ZNF682: variants seen among roughly 807,000 people sequenced by gnomAD.
ZNF682 encodes the protein zinc finger protein 682.
ZNF682 carries 29 observed loss-of-function variants against 36.5 expected under a neutral mutation model. The observed-to-expected ratio is 0.80, with a 90% CI of 0.59 to 1.08. ZNF682 has a LOEUF of 1.08. ZNF682 is among the 50% of genes least tolerant of loss of function. The probability of loss-of-function intolerance (pLI) is 0.00; values close to 1 mark genes in which losing one functional copy is unlikely to be tolerated. For synonymous variants in ZNF682, 180 were observed against 197.0 expected, an observed-to-expected ratio of 0.91 and a Z score of 0.72; for missense variants, 561 against 579.7, an observed-to-expected ratio of 0.97 and a Z score of 0.33.
At chr19:20,003,005 A>G (rs574916114), downstream of ZNF682, among the ~76,000 whole-genome samples, 19 of 151,886 alleles carry the variant, frequency 1.3e-4, no homozygotes, top group East Asian at 3.7e-3. Context: ...CCTGGCTAAC[A>G]CGGTGAAACC....
chr19:20,014,989 T>C (rs1175426947), intron 3 of ZNF682, among the ~76,000 whole-genome samples: 2 of 152,152 alleles, frequency 1.3e-5, no homozygotes, highest in East Asian at 3.8e-4. Context: ...TTCGTGTATG[T>C]TGAGTTTGAG....
chr19:20,003,752 G>C (rs2088186826), downstream of ZNF682, among the ~76,000 whole-genome samples: 1 of 151,400 alleles, frequency 6.6e-6, no homozygotes, highest in South Asian at 2.1e-4. Flanking sequence ...ATCAATACCA[G>C]GCAAGTAAAA....
At chr19:20,003,190 C>CAAAAAAAAAAAAA, downstream of ZNF682, among the ~76,000 whole-genome samples, 1 of 33,074 alleles carries the variant, frequency 3.0e-5, no homozygotes, top group Non-Finnish European at 4.6e-5. Context: ...GACTCCGTCT[C>CAAAAAAAAAAAAA]AAAAAAAAAA....
intron 3 of ZNF682, among the ~76,000 whole-genome samples, chr19:20,017,340 C>G (rs1282661299): frequency 6.6e-6 from 1 of 151,976 alleles, no homozygotes; most frequent in Non-Finnish European, 1.5e-5. Flanking sequence ...TTTAAGGAGA[C>G]AAACAGGCTG....
chr19:20,030,135 GATTTTAATCT>G (rs749266983), intron 1 of ZNF682, among the ~76,000 whole-genome samples: 1 of 152,134 alleles, frequency 6.6e-6, no homozygotes, highest in Non-Finnish European at 1.5e-5. Context: ...AGGTTTGTGT[GATTTTAATCT>G]ATTTCACCCA....
At chr19:20,028,565 T>A (rs965804149) in intron 1 of ZNF682, among the ~76,000 whole-genome samples, 4 of 152,188 alleles carry the variant, frequency 2.6e-5, no homozygotes, top group Non-Finnish European at 5.9e-5. Flanking sequence ...CAGCTAATGC[T>A]GACCCTGCTT....
At position 20,006,443 on chromosome 19, in the gene ZNF682, T is replaced by C. The variant is rs1461410699; in HGVS notation, c.1059A>G (p.Ser353=). The C allele has an allele frequency of 3.1e-6, 5 of 1,613,202 alleles. No individual in the cohort carries two copies. The highest frequency in any genetic ancestry group is 1.7e-4 in the Middle Eastern group (1 of 6,052). Residue 353 remains serine, a synonymous_variant, in exon 4 of 4, where the codon TCA becomes TCG. Coordinates refer to ENST00000397165, the MANE Select transcript of ZNF682 (RefSeq NM_033196.3). ...CEECGKAFNS[S]SILTEHKVIH... is the part of the protein sequence containing the mutation. ...TTACCTTATGTTCAGTAAGAATTGATGATGAGTTAAAAGCTTTGCCACATT... is the reference window on the plus strand; with the variant it reads ...TTACCTTATGTTCAGTAAGAATTGACGATGAGTTAAAAGCTTTGCCACATT...
Position 20,009,746 on chromosome 19 carries a change from T to C in ZNF682, c.227-2471A>G, listed in dbSNP as rs912588384. Among the ~76,000 whole-genome samples, 4 of 152,296 alleles carry C rather than the reference T, an allele frequency of 2.6e-5. No individual in the cohort carries two copies. In the South Asian group the frequency reaches 6.2e-4, roughly 24 times the overall value. ...AACATTTTTAAAGAAAGAGGCCAGG[T>C]GCAGTGGCTCACGTCTGTAATCCGA... On this transcript the variant is annotated intron_variant, in intron 3 of 3. Transcript: ENST00000397165.
chr19:20,001,057 T>C (rs1253491209), downstream of ZNF682, among the ~76,000 whole-genome samples: 1 of 152,196 alleles, frequency 6.6e-6, no homozygotes, highest in Non-Finnish European at 1.5e-5. Context: ...GAGTGACTCA[T>C]AGTCCTGTTT....
chr19:20,001,090 G>A (rs931044372), downstream of ZNF682, among the ~76,000 whole-genome samples: 5 of 152,148 alleles, frequency 3.3e-5, no homozygotes, highest in African/African-American at 4.8e-5. Flanking sequence ...GCCTTCATTC[G>A]TCCCAGTGGC....
chr19:20,023,108 T>C lies in ZNF682; in HGVS notation c.131-9A>G, dbSNP rs2088401606. On this transcript the variant is annotated splice_polypyrimidine_tract_variant and intron_variant, in intron 2 of 3. Transcript: ENST00000397165. ...CTTAGAAACAGTAAGACCTGTTTTATTAGAAAAAAGTAATGTGATTCTTGC... is the reference window on the plus strand; with the variant it reads ...CTTAGAAACAGTAAGACCTGTTTTACTAGAAAAAAGTAATGTGATTCTTGC... 4.3e-6 allele frequency: 7 copies of C among 1,612,216 alleles called. No homozygotes were observed. The highest frequency in any genetic ancestry group is 5.9e-6 in the Non-Finnish European group (7 of 1,178,632).
In ZNF682 at chr19:20,039,441, A is replaced by T; in HGVS notation, c.-96T>A. On this transcript the variant is annotated 5_prime_UTR_variant, in exon 1 of 4. Coordinates refer to ENST00000397165, the MANE Select transcript of ZNF682 (RefSeq NM_033196.3). ...GAGGCTGCGACAGTCACCGGGAACT[A>T]CTAGAGCAGAGGATACTAAGCAATG... 1 of 1,524,868 alleles carries T rather than the reference A, an allele frequency of 6.6e-7. No homozygotes were observed. The highest frequency in any genetic ancestry group is 9.0e-7 in the Non-Finnish European group (1 of 1,114,598). 94.5% of individuals were successfully genotyped at this position (1,524,868 alleles called of 1,614,324 possible). A position where few individuals can be genotyped will look rare whatever the true frequency, so the allele number is the denominator to read the frequency against.
At chr19:20,013,673 T>C (rs1473906473) in intron 3 of ZNF682, among the ~76,000 whole-genome samples, 1 of 152,188 alleles carries the variant, frequency 6.6e-6, no homozygotes, top group Non-Finnish European at 1.5e-5. Context: ...CTCCATCTCT[T>C]GGGTTCAAGC....
intron 1 of ZNF682, among the ~76,000 whole-genome samples, chr19:20,028,373 G>A (rs1271580480): frequency 6.6e-6 from 1 of 151,992 alleles, no homozygotes; most frequent in Non-Finnish European, 1.5e-5. Flanking sequence ...ATGCCCGGGT[G>A]GCTAATTTTT....
chr19:20,037,772 T>G (rs1420437186), intron 1 of ZNF682, among the ~76,000 whole-genome samples: 1 of 152,146 alleles, frequency 6.6e-6, no homozygotes, highest in African/African-American at 2.4e-5. Flanking sequence ...CTGAGAAAAT[T>G]TTCTCCTCAA....
chr19:20,032,775 A>G lies in ZNF682; in HGVS notation c.3+6568T>C, dbSNP rs535204304. Among the ~76,000 whole-genome samples, 12 of 152,354 alleles carry G rather than the reference A, an allele frequency of 7.9e-5. No homozygotes were observed. In the East Asian group the frequency reaches 2.3e-3, roughly 29 times the overall value. On this transcript the variant is annotated intron_variant, in intron 1 of 3. Transcript: ENST00000397165. ...TTGCAAAGATAGAAAGAAGGTTGTC[A>G]TAATTAGTCCTCAAGAAGACCACGT...
intron 3 of ZNF682, among the ~76,000 whole-genome samples, chr19:20,018,078 CTTTTTTTTTTTTTTTTTTTTTT>C (rs71172554): frequency 3.4e-5 from 2 of 58,676 alleles, no homozygotes; most frequent in African/African-American, 7.4e-5. Flanking sequence ...TTCTCAAATT[CTTTTTTTTTTTTTTTTTTTTTT>C]TTTTTTTTTT....
At chr19:20,008,254 G>C (rs1297302991) in intron 3 of ZNF682, 1 of 152,302 alleles carries the variant, frequency 6.6e-6, no homozygotes, top group Non-Finnish European at 1.5e-5. Context: ...AAACTGGGAA[G>C]GGTGTGGCCA....
At chr19:20,019,920 A>G (rs2088368976) in intron 3 of ZNF682, among the ~76,000 whole-genome samples, 1 of 152,062 alleles carries the variant, frequency 6.6e-6, no homozygotes, top group Admixed American at 6.6e-5. Flanking sequence ...CATACAAACA[A>G]AAAGAATAGG....
Sources: allele counts gnomAD v4.1 joint callset (sites outside exome capture counted in the v4.1 genomes callset), GRCh38; gene constraint gnomAD v4.1.1; transcripts MANE v1.5; gene names NCBI Gene and HGNC (gene_info 2026-07-23, HGNC 2026-07-21).